The following ZNF385D variants were observed in gnomAD, a reference collection of about 807,000 sequenced individuals.
ZNF385D encodes zinc finger protein 659.
ZNF385D carries 15 observed loss-of-function variants against 35.8 expected under a neutral mutation model. The ratio of observed to expected loss-of-function variants is 0.42; its 90% CI spans 0.28 to 0.64. The LOEUF (loss-of-function observed/expected upper bound fraction) is 0.64, where lower values mean the gene tolerates loss of function less well. ZNF385D is among the 30% of genes least tolerant of loss of function. ZNF385D has a pLI of 0.23. For missense variants in ZNF385D, 474 were observed against 494.6 expected, an observed-to-expected ratio of 0.96 and a Z score of 0.39; for synonymous variants, 212 against 186.8, an observed-to-expected ratio of 1.13 and a Z score of -1.10.
At chr3:21,642,954 T>C (rs992662512) in intron 2 of ZNF385D, among the ~76,000 whole-genome samples, 1 of 152,054 alleles carries the variant, frequency 6.6e-6, no homozygotes, top group Middle Eastern at 3.2e-3. Flanking sequence ...GGAGAAATGA[T>C]GAATGCAGAA....
intron 3 of ZNF385D, chr3:21,978,234 G>T (rs1288277029): frequency 1.3e-5 from 2 of 152,204 alleles, no homozygotes; most frequent in Non-Finnish European, 1.5e-5. Context: ...CTTGAGAGCA[G>T]TGTCTGTTTC....
chr3:21,963,731 C>T (rs1395651559), intron 3 of ZNF385D, among the ~76,000 whole-genome samples: 1 of 151,960 alleles, frequency 6.6e-6, no homozygotes, highest in Non-Finnish European at 1.5e-5. Context: ...TTGTGATAAC[C>T]TAATAATAAC....
At chr3:21,700,687 G>T (rs1413576931) in intron 1 of ZNF385D, among the ~76,000 whole-genome samples, 1 of 152,116 alleles carries the variant, frequency 6.6e-6, no homozygotes, top group Non-Finnish European at 1.5e-5. Context: ...TACCTGTCTT[G>T]CTTTCCATAG....
intron 3 of ZNF385D, among the ~76,000 whole-genome samples, chr3:21,766,409 C>T (rs1057037524): frequency 5.3e-5 from 8 of 152,060 alleles, no homozygotes; most frequent in African/African-American, 1.9e-4. Flanking sequence ...TGTGATAGAA[C>T]CTGAAATGAT....
intron 3 of ZNF385D, among the ~76,000 whole-genome samples, chr3:22,020,913 G>A (rs1304165808): frequency 6.6e-6 from 1 of 151,878 alleles, no homozygotes; most frequent in Non-Finnish European, 1.5e-5. Flanking sequence ...GGAAAATATG[G>A]CATATATACA....
At chr3:21,602,674 A>T (rs975905385) in intron 2 of ZNF385D, among the ~76,000 whole-genome samples, 2 of 149,906 alleles carry the variant, frequency 1.3e-5, no homozygotes, top group Admixed American at 1.3e-4. Context: ...CTGGGACTAC[A>T]GGCGCCCGCC....
intron 2 of ZNF385D, among the ~76,000 whole-genome samples, chr3:22,369,769 AAAGTT>A (rs1325084565): frequency 7.9e-5 from 12 of 152,162 alleles, no homozygotes; most frequent in Admixed American, 7.8e-4. Flanking sequence ...GAAACATGAC[AAAGTT>A]ATCTTACTTG....
chr3:22,135,707 A>C (rs1192572497), intron 3 of ZNF385D, among the ~76,000 whole-genome samples: 2 of 152,196 alleles, frequency 1.3e-5, no homozygotes, highest in African/African-American at 2.4e-5. Flanking sequence ...AATTTAAGTC[A>C]CCAAATTACC....
intron 3 of ZNF385D, among the ~76,000 whole-genome samples, chr3:22,072,408 T>C (rs1244625600): frequency 1.3e-5 from 2 of 152,056 alleles, no homozygotes; most frequent in African/African-American, 2.4e-5. Context: ...GCTTCATCTG[T>C]CCTTCAAGCA....
chr3:22,227,163 T>C (rs1351838852), intron 2 of ZNF385D, among the ~76,000 whole-genome samples: 2 of 151,796 alleles, frequency 1.3e-5, no homozygotes, highest in African/African-American at 4.9e-5. Context: ...TATATATGTG[T>C]GTATATATAT....
At chr3:21,560,804 C>T (rs2062916406) in intron 3 of ZNF385D, among the ~76,000 whole-genome samples, 1 of 152,174 alleles carries the variant, frequency 6.6e-6, no homozygotes, top group Admixed American at 6.5e-5. Flanking sequence ...CTATAAGCCC[C>T]TGACTGGGGC....
intron 3 of ZNF385D, among the ~76,000 whole-genome samples, chr3:21,962,361 C>G (rs888139700): frequency 3.9e-5 from 6 of 152,104 alleles, no homozygotes. Context: ...GAACCACTCC[C>G]TGCAAAGACA....
chr3:21,638,654 A>C (rs982714128), intron 2 of ZNF385D, among the ~76,000 whole-genome samples: 6 of 152,156 alleles, frequency 3.9e-5, no homozygotes, highest in Non-Finnish European at 8.8e-5. Context: ...CTAACTCATT[A>C]GCTTGCCATT....
In ZNF385D at chr3:22,363,816, T is replaced by C. The variant is rs150765348; in HGVS notation, c.106+8634A>G. Among the ~76,000 whole-genome samples the C allele has an allele frequency of 3.8e-3, 584 of 152,254 alleles. 1 individual carries two copies. Among genetic ancestry groups the C allele is most frequent in the South Asian group, 0.018 (86 of 4,828 alleles). On this transcript the variant is annotated intron_variant, in intron 2 of 5. Coordinates refer to the ZNF385D transcript ENST00000494108. ...TCACTTTTTAAACTTTTTAAAAGTATAATTCAAATACAGAGTACTGCATAG... is the reference window on the plus strand; with the variant it reads ...TCACTTTTTAAACTTTTTAAAAGTACAATTCAAATACAGAGTACTGCATAG...
At chr3:21,749,005 A>G (rs2069922057) in intron 1 of ZNF385D, among the ~76,000 whole-genome samples, 1 of 152,208 alleles carries the variant, frequency 6.6e-6, no homozygotes, top group East Asian at 1.9e-4. Context: ...GCATAACCCG[A>G]AAGAAACAGC....
intron 1 of ZNF385D, among the ~76,000 whole-genome samples, chr3:21,707,294 T>C (rs1190691843): frequency 1.3e-5 from 2 of 152,220 alleles, no homozygotes; most frequent in Non-Finnish European, 2.9e-5. Context: ...AATGCTTGAT[T>C]TACTATAAAT....
intron 3 of ZNF385D, among the ~76,000 whole-genome samples, chr3:21,901,242 G>A (rs959566209): frequency 6.6e-6 from 1 of 152,286 alleles, no homozygotes; most frequent in South Asian, 2.1e-4. Flanking sequence ...ATCCCAAAGT[G>A]CTGGGATTAC....
chr3:22,186,271 A>T (rs993336349), intron 2 of ZNF385D, among the ~76,000 whole-genome samples: 2 of 152,166 alleles, frequency 1.3e-5, no homozygotes, highest in African/African-American at 4.8e-5. Flanking sequence ...GGAGAGAAAG[A>T]ATGCTCCCAG....
chr3:21,676,795 T>C (rs1317217517), intron 1 of ZNF385D, among the ~76,000 whole-genome samples: 2 of 12,482 alleles, frequency 1.6e-4, no homozygotes. Flanking sequence ...CCATATGTAT[T>C]TTTTTTTTTA....
Sources: allele counts gnomAD v4.1 joint callset (sites outside exome capture counted in the v4.1 genomes callset), GRCh38; gene constraint gnomAD v4.1.1; transcripts MANE v1.5; gene names NCBI Gene and HGNC (gene_info 2026-07-23, HGNC 2026-07-21).